Variants in ST8SIA4 observed in about 807,000 individuals in gnomAD.
ST8SIA4 encodes CMP-N-acetylneuraminate-poly-alpha-2,8-sialyltransferase.
Under a neutral mutation model 33.9 loss-of-function variants are expected in ST8SIA4, and 15 were observed. The observed-to-expected ratio is 0.44, with a 90% CI of 0.30 to 0.68. The LOEUF (loss-of-function observed/expected upper bound fraction) is 0.68. Among genes scored for constraint, ST8SIA4 ranks in the 30% least tolerant of loss-of-function variants. ST8SIA4 has a pLI of 0.10. For missense variants in ST8SIA4, 321 were observed against 428.0 expected (o/e 0.75, Z 2.21); for synonymous variants, 171 against 151.2 (o/e 1.13, Z -0.96).
At chr5:100,892,826 C>T (rs1006276689) in intron 2 of ST8SIA4, among the ~76,000 whole-genome samples, 8 of 151,818 alleles carry the variant, frequency 5.3e-5, no homozygotes, top group Non-Finnish European at 7.4e-5. Context: ...ATCACACACC[C>T]GGGCCTGTCG....
chr5:100,879,288 C>T (rs1288831448), intron 3 of ST8SIA4, among the ~76,000 whole-genome samples: 2 of 152,140 alleles, frequency 1.3e-5, no homozygotes, highest in East Asian at 3.9e-4. Flanking sequence ...TACAAATTTT[C>T]AAGCACAAAT....
rs562768035 is a variant in ST8SIA4 at position 100,895,415 on chromosome 5, T to C, written c.245+239A>G. On this transcript the variant is annotated intron_variant, in intron 2 of 4. Coordinates refer to ENST00000231461, the MANE Select transcript of ST8SIA4 (RefSeq NM_005668.6). The stretch of plus-strand genomic sequence containing the variant: ...GTACTCTGCTGAATATTTTATTCCA[T>C]TAGTATAAAGACAATATATTCAAAA... Among the ~76,000 whole-genome samples, 4 of 152,170 alleles carry C rather than the reference T, an allele frequency of 2.6e-5. No homozygotes were observed. The South Asian group carries it at 6.2e-4, about 24-fold the overall frequency.
intron 4 of ST8SIA4, among the ~76,000 whole-genome samples, chr5:100,842,432 T>G (rs1162201754): frequency 6.6e-6 from 1 of 151,830 alleles, no homozygotes; most frequent in East Asian, 1.9e-4. Context: ...TCAAGTTCCT[T>G]TTTTTAAAAC....
At chr5:100,891,372 T>C (rs1752659974) in intron 2 of ST8SIA4, among the ~76,000 whole-genome samples, 2 of 152,060 alleles carry the variant, frequency 1.3e-5, no homozygotes, top group African/African-American at 4.8e-5. Flanking sequence ...TGTTTCATTA[T>C]GCCTACAAAA....
intron 4 of ST8SIA4, among the ~76,000 whole-genome samples, chr5:100,833,256 T>C (rs1003876426): frequency 9.9e-5 from 15 of 152,128 alleles, no homozygotes; most frequent in African/African-American, 3.4e-4. Context: ...AATAAATCTT[T>C]GTTAAAGTGA....
intron 4 of ST8SIA4, among the ~76,000 whole-genome samples, chr5:100,838,227 A>C (rs1336718222): frequency 6.6e-6 from 1 of 152,028 alleles, no homozygotes; most frequent in Non-Finnish European, 1.5e-5. Flanking sequence ...ACTGCCAGAT[A>C]TTCTGATCTT....
chr5:100,850,742 GA>G (rs936038280), intron 4 of ST8SIA4, among the ~76,000 whole-genome samples: 1 of 150,822 alleles, frequency 6.6e-6, no homozygotes, highest in East Asian at 1.9e-4. Context: ...TTTTCTGTGG[GA>G]AAAAAACACA....
intron 4 of ST8SIA4, chr5:100,849,418 G>T (rs989012938): frequency 1.0e-6 from 1 of 985,224 alleles, no homozygotes; most frequent in African/African-American, 1.7e-5. Flanking sequence ...AGTTAGAATT[G>T]TTCAAATCCT....
intron 1 of ST8SIA4, among the ~76,000 whole-genome samples, chr5:100,897,141 T>C (rs1752795365): frequency 6.6e-6 from 1 of 152,036 alleles, no homozygotes; most frequent in African/African-American, 2.4e-5. Flanking sequence ...GAGACAGAGA[T>C]TATAGTAGAG....
At chr5:100,867,395 G>A (rs1752090426) in intron 3 of ST8SIA4, among the ~76,000 whole-genome samples, 1 of 152,026 alleles carries the variant, frequency 6.6e-6, no homozygotes, top group Non-Finnish European at 1.5e-5. Context: ...CTGTTTAACA[G>A]AAGAAAGAAC....
intron 4 of ST8SIA4, among the ~76,000 whole-genome samples, chr5:100,837,540 T>C (rs1044408024): frequency 6.6e-6 from 1 of 151,998 alleles, no homozygotes; most frequent in Non-Finnish European, 1.5e-5. Flanking sequence ...CCTTGAACCA[T>C]ATGTTTATTC....
In ST8SIA4 at chr5:100,852,114, CTT is replaced by C. The variant is rs773074391; in HGVS notation, c.797+3987_797+3988del. Among the ~76,000 whole-genome samples, 27 of 83,472 alleles carry C rather than the reference CTT, an allele frequency of 3.2e-4. 1 individual carries two copies. The highest frequency in any genetic ancestry group is 2.1e-3 in the South Asian group (4 of 1,908). The allele number at this position is 83,472 out of a possible 152,430, so 54.8% of individuals were successfully genotyped here. ...TTACTATCTTATTTGCTCCACTCTT[CTT>C]TTTTTTTTTTTTTTTTTTTTTTGAG... On this transcript the variant is annotated intron_variant, in intron 4 of 4. Transcript: ENST00000231461.
At chr5:100,894,794 A>G (rs932933480) in intron 2 of ST8SIA4, among the ~76,000 whole-genome samples, 1 of 152,066 alleles carries the variant, frequency 6.6e-6, no homozygotes, top group Non-Finnish European at 1.5e-5. Flanking sequence ...TTAGCCCCTT[A>G]TATCTTAGTC....
At chr5:100,863,313 A>T (rs1751987627) in intron 3 of ST8SIA4, among the ~76,000 whole-genome samples, 1 of 152,202 alleles carries the variant, frequency 6.6e-6, no homozygotes, top group Non-Finnish European at 1.5e-5. Flanking sequence ...CACACACTAA[A>T]GGAGGGAGGG....
intron 3 of ST8SIA4, among the ~76,000 whole-genome samples, chr5:100,863,146 T>A (rs189665689): frequency 1.3e-5 from 2 of 152,192 alleles, no homozygotes; most frequent in East Asian, 3.9e-4. Flanking sequence ...ATGCAGAAAG[T>A]CACTCCCAGG....
intron 3 of ST8SIA4, among the ~76,000 whole-genome samples, chr5:100,875,458 T>G (rs1243429332): frequency 6.6e-6 from 1 of 152,202 alleles, no homozygotes; most frequent in Non-Finnish European, 1.5e-5. Context: ...CATTCAGCAT[T>G]GGAAGCATAC....
intron 4 of ST8SIA4, among the ~76,000 whole-genome samples, chr5:100,845,620 T>C (rs1400632168): frequency 2.0e-5 from 3 of 151,910 alleles, no homozygotes; most frequent in South Asian, 2.1e-4. Context: ...TAAAAGGTAA[T>C]AGAACAAATT....
chr5:100,847,972 A>G lies in ST8SIA4; in HGVS notation c.797+8131T>C, dbSNP rs1195627500. ...ATTTAATAAAAATAATGAAGCAAAA[A>G]AGATACTGCATATAAAGTATGTAAA... On this transcript the variant is annotated intron_variant, in intron 4 of 4. Transcript: ENST00000231461. Among the ~76,000 whole-genome samples, 7 of 152,124 alleles carry G rather than the reference A, an allele frequency of 4.6e-5. 1 individual carries two copies. In the East Asian group the frequency reaches 7.7e-4, roughly 17 times the overall value.
At chr5:100,836,149 G>A (rs1200137466) in intron 4 of ST8SIA4, among the ~76,000 whole-genome samples, 1 of 152,094 alleles carries the variant, frequency 6.6e-6, no homozygotes, top group Admixed American at 6.6e-5. Flanking sequence ...ATTAATTAGA[G>A]ATAAGCCTTA....
Sources: allele counts gnomAD v4.1 joint callset (sites outside exome capture counted in the v4.1 genomes callset), GRCh38; gene constraint gnomAD v4.1.1; transcripts MANE v1.5; gene names NCBI Gene and HGNC (gene_info 2026-07-23, HGNC 2026-07-21).